The following MOG variants were observed in gnomAD, a reference collection of about 807,000 sequenced individuals.
The protein encoded by MOG is myelin-oligodendrocyte glycoprotein.
In MOG, 20 loss-of-function variants were observed where a neutral mutation model predicts 35.9. That is an observed-to-expected ratio of 0.56 (90% CI 0.39 to 0.81). The LOEUF is 0.81. Among genes scored for constraint, MOG ranks in the 30% least tolerant of loss-of-function variants. MOG has a pLI of 0.00. For missense variants in MOG, 251 were observed against 301.0 expected, an observed-to-expected ratio of 0.83 and a Z score of 1.23; for synonymous variants, 92 against 114.3, an observed-to-expected ratio of 0.80 and a Z score of 1.25.
rs1466642381 is a variant in MOG at position 29,667,765 on chromosome 6, T to G, written c.571+102T>G. On this transcript the variant is annotated intron_variant, in intron 4 of 7. Coordinates refer to ENST00000376917, the MANE Select transcript of MOG (RefSeq NM_206809.4). ...CCGTCTCTCCCTCTCAATACCCTGT[T>G]TTCCCCTCAGTTTCCCTTTCTCTAC... 1.9e-6 allele frequency: 3 copies of G among 1,552,158 alleles called. No individual in the cohort carries two copies. In the East Asian group the frequency reaches 6.7e-5, roughly 35 times the overall value.
At chr6:29,661,382 C>A in intron 2 of MOG, 1 of 985,354 alleles carries the variant, frequency 1.0e-6, no homozygotes, top group Non-Finnish European at 1.2e-6. Context: ...CTTCATACAG[C>A]TGTTTTTATT....
chr6:29,664,983 G>A (rs1265780138), intron 2 of MOG, among the ~76,000 whole-genome samples: 4 of 152,102 alleles, frequency 2.6e-5, no homozygotes, highest in Non-Finnish European at 5.9e-5. Flanking sequence ...AAATTAACAA[G>A]AGTTAGGGTG....
chr6:29,670,317 C>A lies in MOG; in HGVS notation c.629C>A (p.Thr210Asn), dbSNP rs1005364834. The change falls in exon 6 of 8, where the codon ACC (threonine) becomes AAC (asparagine). Residue 210 changes from threonine to asparagine, a missense_variant. Physicochemically the swap from Thr to Asn is moderately conservative, Grantham distance 65 (BLOSUM62 0). Transcript: ENST00000376917. The surrounding 1 kb of genome is among the most constrained non-coding windows in gnomAD (Gnocchi z 4.2). ...CTGAGGGTGCCCTGCTGGAAGATAA[C>A]CCTGTTTGTAATTGTGCCGGTTCTT... ...HFLRVPCWKI[T>N]LFVIVPVLGP... is the part of the protein sequence containing the mutation. 1.2e-6 allele frequency: 2 copies of A among 1,614,168 alleles called. No homozygotes were observed. The highest frequency in any genetic ancestry group is 2.2e-5 in the South Asian group (2 of 91,078).
chr6:29,669,588 G>A (rs73406513), intron 5 of MOG, among the ~76,000 whole-genome samples: 13,302 of 152,204 alleles, frequency 0.087, 860 homozygotes, highest in African/African-American at 0.18. Context: ...ACCAGGCCCA[G>A]CCCAATAACC....
At chr6:29,660,529 C>CAAA (rs1311423493) in intron 2 of MOG, among the ~76,000 whole-genome samples, 1 of 59,544 alleles carries the variant, frequency 1.7e-5, no homozygotes, top group Non-Finnish European at 3.3e-5. Context: ...GACTCCGTCT[C>CAAA]AAAAAAAAAA....
At chr6:29,659,724 C>T (rs1018423544) in intron 2 of MOG, 58 bp downstream of exon 2, 12 of 1,395,584 alleles carry the variant, frequency 8.6e-6, no homozygotes, top group South Asian at 2.4e-5. Context: ...AACAATTATT[C>T]TCTCAACTGA....
chr6:29,663,872 T>C, intron 2 of MOG: 1 of 838,694 alleles, frequency 1.2e-6, no homozygotes, highest in Non-Finnish European at 1.4e-6. Flanking sequence ...AGTCTACAGC[T>C]TGAAGGATTG....
At chr6:29,668,581 C>T (rs1770718088) in intron 5 of MOG, among the ~76,000 whole-genome samples, 1 of 152,216 alleles carries the variant, frequency 6.6e-6, no homozygotes, top group Non-Finnish European at 1.5e-5. Flanking sequence ...CTTCACAGCT[C>T]CTCCTCCCGA....
chr6:29,671,240 C>T lies in MOG; in HGVS notation c.*55C>T, dbSNP rs555601177. ...AGAGCCTGGTTGCCCAGGGATTTGT[C>T]CTTGGGGACATCTCATCCATCAAGT... On this transcript the variant is annotated 3_prime_UTR_variant, in exon 8 of 8. Transcript: ENST00000376917. 73 of 1,612,428 alleles carry T rather than the reference C, an allele frequency of 4.5e-5. No individual in the cohort carries two copies. The African/African-American group carries it at 8.5e-4, about 19-fold the overall frequency.
rs1225609894 is a variant in MOG, at chr6:29,667,652, G to A, written c.560G>A (p.Arg187Gln). 6.2e-7 allele frequency: 1 copy of A among 1,613,746 alleles called. No individual in the cohort carries two copies. Among genetic ancestry groups the A allele is most frequent in the South Asian group, 1.1e-5 (1 of 91,050 alleles). Reference sequence around the variant, plus strand: ...CCTTTTTCTATTTTAGGAAAACTTCGAGCAGAGATAGGTGAGTTCCAGTCA... The same window carrying A: ...CCTTTTTCTATTTTAGGAAAACTTCAAGCAGAGATAGGTGAGTTCCAGTCA... ...CLQYRLRGKLRAEIENLHRTF... is the reference protein window; with the variant it reads ...CLQYRLRGKLQAEIENLHRTF... The change falls in exon 4 of 8, where the codon CGA becomes CAA. Residue 187 changes from arginine to glutamine, a missense_variant. By Grantham distance (43) the Arg-to-Gln change is conservative. Transcript: ENST00000376917.
chr6:29,671,713 AC>A lies in MOG; in HGVS notation c.*531del. 1 of 560,708 alleles carries A rather than the reference AC, an allele frequency of 1.8e-6. No homozygotes were observed. The highest frequency in any genetic ancestry group is 3.2e-6 in the Non-Finnish European group (1 of 315,842). 34.7% of individuals were successfully genotyped at this position (560,708 alleles called of 1,614,324 possible). On this transcript the variant is annotated 3_prime_UTR_variant, in exon 8 of 8. Coordinates refer to ENST00000376917, the MANE Select transcript of MOG (RefSeq NM_206809.4). ...AAGAGTGAGGATATGAGTAGCCCCA[AC>A]CCAAACCTGGAGATGGGGAGAAACC...
At chr6:29,659,766 C>A in intron 2 of MOG, 100 bp downstream of exon 2, 1 of 950,594 alleles carries the variant, frequency 1.1e-6, no homozygotes, top group Non-Finnish European at 1.7e-6. Context: ...CATCTCAGTC[C>A]TGGGAATGAT....
intron 3 of MOG, among the ~76,000 whole-genome samples, chr6:29,666,761 GT>G (rs1244276156): frequency 2.0e-5 from 3 of 152,158 alleles, no homozygotes; most frequent in African/African-American, 7.2e-5. Flanking sequence ...GAGGACTCAG[GT>G]TCAGCTGCTG....
chr6:29,670,511 T>C lies in MOG; in HGVS notation c.709+114T>C. On this transcript the variant is annotated intron_variant, in intron 6 of 7. Transcript: ENST00000376917. This position sits in a 1 kb window ranked among gnomAD's most constrained non-coding sequence, Gnocchi z 4.2. ...ACTCAAGATTAGGGGAGCTGGGATT[T>C]CCTTATTCCTCTGTCCCCATGCCCA... 2 of 1,483,136 alleles carry C rather than the reference T, an allele frequency of 1.3e-6. No individual in the cohort carries two copies. Among genetic ancestry groups the C allele is most frequent in the Non-Finnish European group, 1.9e-6 (2 of 1,066,186 alleles). The allele number at this position is 1,483,136 out of a possible 1,614,324, so 91.9% of individuals were successfully genotyped here.
At chr6:29,659,188 T>C in intron 1 of MOG, 131 bp from the exon 2 acceptor site, 1 of 781,118 alleles carries the variant, frequency 1.3e-6, no homozygotes, top group Non-Finnish European at 2.2e-6. Context: ...CAATCCTCCC[T>C]GGCTCTAGAA....
At position 29,662,108 on chromosome 6, in the gene MOG, G is replaced by C. The variant is rs1768932424; in HGVS notation, c.436+2442G>C. The C allele has an allele frequency of 3.0e-6, 3 of 985,094 alleles. No individual in the cohort carries two copies. The highest frequency in any genetic ancestry group is 3.6e-6 in the Non-Finnish European group (3 of 829,710). 61.0% of individuals were successfully genotyped at this position (985,094 alleles called of 1,614,324 possible). A position where few individuals can be genotyped will look rare whatever the true frequency, so the allele number is the denominator to read the frequency against. On this transcript the variant is annotated intron_variant, in intron 2 of 7. Coordinates refer to ENST00000376917, the MANE Select transcript of MOG (RefSeq NM_206809.4). This position sits in a 1 kb window ranked among gnomAD's most constrained non-coding sequence, Gnocchi z 4.2. ...CTCTGAAGAGTTTCTAATTTCTCTT[G>C]TTTACTTATTTTTTTCTTGTCATTT...
intron 2 of MOG, chr6:29,664,693 C>T (rs1236484721): frequency 2.2e-6 from 1 of 449,054 alleles, no homozygotes; most frequent in Admixed American, 2.4e-5. Context: ...CAGCCTCCAC[C>T]TCCCAGGCTC....
rs950681473 is a variant in MOG, at chr6:29,672,337, A to AAAT, written c.*1160_*1162dup. The AAAT allele has an allele frequency of 1.7e-4, 58 of 336,142 alleles. No homozygotes were observed. The highest frequency in any genetic ancestry group is 8.0e-4 in the African/African-American group (34 of 42,490). The allele number at this position is 336,142 out of a possible 1,614,324, so 20.8% of individuals were successfully genotyped here. On this transcript the variant is annotated 3_prime_UTR_variant, in exon 8 of 8. Transcript: ENST00000376917. ...ATAAATAAATAAATAAATAAATAAA[A>AAAT]AATAATAATACAAGTTTTCATAAGC...
intron 1 of MOG, among the ~76,000 whole-genome samples, chr6:29,658,886 C>A (rs1025369744): frequency 2.6e-5 from 4 of 152,128 alleles, no homozygotes; most frequent in Non-Finnish European, 5.9e-5. Context: ...CCAAGGCAGG[C>A]GGATCACCTG....
Sources: allele counts gnomAD v4.1 joint callset (sites outside exome capture counted in the v4.1 genomes callset), GRCh38; gene constraint gnomAD v4.1.1; non-coding constraint Gnocchi (gnomAD v3.1); transcripts MANE v1.5; gene names NCBI Gene and HGNC (gene_info 2026-07-23, HGNC 2026-07-21).